The following NRXN1 variants were observed in gnomAD, a reference collection of about 807,000 sequenced individuals.
NRXN1 encodes the protein neurexin-1.
Under a neutral mutation model 150.9 loss-of-function variants are expected in NRXN1, and 39 were observed. The observed-to-expected ratio is 0.26, with a 90% CI of 0.20 to 0.34. The LOEUF (loss-of-function observed/expected upper bound fraction) is 0.34. Among genes scored for constraint, NRXN1 ranks in the 10% least tolerant of loss-of-function variants. The pLI is 1.00. For synonymous variants in NRXN1, 924 were observed against 757.0 expected, an observed-to-expected ratio of 1.22 and a Z score of -3.62; for missense variants, 1,815 against 1,949.9, an observed-to-expected ratio of 0.93 and a Z score of 1.30.
At chr2:50,206,400 T>C (rs2062581130) in intron 18 of NRXN1, among the ~76,000 whole-genome samples, 1 of 152,056 alleles carries the variant, frequency 6.6e-6, no homozygotes, top group Non-Finnish European at 1.5e-5. Flanking sequence ...CAAATGTATG[T>C]CAGAAGATAA....
intron 18 of NRXN1, among the ~76,000 whole-genome samples, chr2:50,095,765 T>G (rs1277068441): frequency 5.4e-4 from 1 of 1,850 alleles, no homozygotes; most frequent in Non-Finnish European, 1.0e-3. Flanking sequence ...AACATCCGAC[T>G]TTTTTTTTTT....
intron 17 of NRXN1, among the ~76,000 whole-genome samples, chr2:50,307,384 G>T (rs1312416362): frequency 2.0e-5 from 3 of 152,098 alleles, no homozygotes; most frequent in Non-Finnish European, 4.4e-5. Context: ...CTTTTTGTAG[G>T]GGGAGGCTCT....
intron 18 of NRXN1, among the ~76,000 whole-genome samples, chr2:50,190,851 G>A (rs1272070085): frequency 6.6e-6 from 1 of 151,970 alleles, no homozygotes; most frequent in East Asian, 1.9e-4. Context: ...GACTGCAGGT[G>A]ATCCACCTGC....
chr2:50,255,025 C>G (rs935918616), intron 17 of NRXN1, among the ~76,000 whole-genome samples: 14 of 152,040 alleles, frequency 9.2e-5, no homozygotes, highest in African/African-American at 3.1e-4. Flanking sequence ...CTAGGCTAGT[C>G]TTGAATTCCT....
intron 8 of NRXN1, among the ~76,000 whole-genome samples, chr2:50,578,732 T>A (rs1423831844): frequency 1.3e-5 from 2 of 151,994 alleles, no homozygotes; most frequent in Non-Finnish European, 2.9e-5. Flanking sequence ...ATGCTAAAGC[T>A]TTTTAATTTA....
chr2:50,864,321 C>T (rs1473618306), intron 5 of NRXN1, among the ~76,000 whole-genome samples: 1 of 151,976 alleles, frequency 6.6e-6, no homozygotes, highest in East Asian at 1.9e-4. Flanking sequence ...GTCAAACACA[C>T]ACATGAACTT....
chr2:50,819,118 G>T (rs1198891222), intron 5 of NRXN1, among the ~76,000 whole-genome samples: 3 of 152,098 alleles, frequency 2.0e-5, no homozygotes, highest in Non-Finnish European at 4.4e-5. Context: ...CAGTATGGAG[G>T]TTCCTCAAAC....
chr2:50,982,494 T>A (rs1212954202), intron 2 of NRXN1, among the ~76,000 whole-genome samples: 1 of 152,138 alleles, frequency 6.6e-6, no homozygotes. Flanking sequence ...GGCCTGTTCA[T>A]ATTACTAACA....
At chr2:50,093,010 A>G (rs1014733966) in intron 18 of NRXN1, among the ~76,000 whole-genome samples, 3 of 150,298 alleles carry the variant, frequency 2.0e-5, no homozygotes, top group African/African-American at 7.3e-5. Flanking sequence ...GTAGAGTTAT[A>G]TCACATGTGT....
chr2:50,608,030 T>C (rs1006930111), intron 8 of NRXN1, among the ~76,000 whole-genome samples: 1 of 151,330 alleles, frequency 6.6e-6, no homozygotes, highest in African/African-American at 2.4e-5. Flanking sequence ...GGCCTGGGGG[T>C]AAATGAGAAG....
At chr2:51,010,008 T>G (rs1172588362) in intron 2 of NRXN1, among the ~76,000 whole-genome samples, 1 of 152,004 alleles carries the variant, frequency 6.6e-6, no homozygotes, top group Non-Finnish European at 1.5e-5. Flanking sequence ...GAATATATTC[T>G]GCAAGGTTAC....
At chr2:50,140,012 G>A (rs1707037726) in intron 18 of NRXN1, among the ~76,000 whole-genome samples, 1 of 151,854 alleles carries the variant, frequency 6.6e-6, no homozygotes, top group South Asian at 2.1e-4. Context: ...CTCTCCTAAA[G>A]CAAATTAGTT....
intron 19 of NRXN1, among the ~76,000 whole-genome samples, chr2:50,071,696 T>C (rs1457756309): frequency 6.6e-6 from 1 of 152,242 alleles, no homozygotes; most frequent in African/African-American, 2.4e-5. Flanking sequence ...ATGGCAGTCC[T>C]AGCAAACTAA....
intron 5 of NRXN1, among the ~76,000 whole-genome samples, chr2:50,840,831 G>A (rs1672763205): frequency 6.6e-6 from 1 of 152,108 alleles, no homozygotes; most frequent in Non-Finnish European, 1.5e-5. Flanking sequence ...AGGACATTTT[G>A]AAACATCACG....
chr2:50,227,378 C>G (rs1574608348), intron 18 of NRXN1, among the ~76,000 whole-genome samples: 1 of 152,056 alleles, frequency 6.6e-6, no homozygotes, highest in East Asian at 1.9e-4. Flanking sequence ...GAACAGGGAG[C>G]CCATGCCCAT....
At chr2:50,778,917 T>A (rs3914727) in intron 5 of NRXN1, among the ~76,000 whole-genome samples, 1 of 152,000 alleles carries the variant, frequency 6.6e-6, no homozygotes, top group Non-Finnish European at 1.5e-5. Flanking sequence ...TAAAAATAAA[T>A]TAAAATATGC....
intron 17 of NRXN1, among the ~76,000 whole-genome samples, chr2:50,360,077 A>G (rs1002200987): frequency 1.3e-5 from 2 of 152,232 alleles, no homozygotes; most frequent in South Asian, 2.1e-4. Flanking sequence ...TGTCACCACC[A>G]GGCCTGCCTT....
At chr2:50,513,992 G>A (rs1436234009) in intron 12 of NRXN1, among the ~76,000 whole-genome samples, 2 of 152,096 alleles carry the variant, frequency 1.3e-5, no homozygotes, top group African/African-American at 2.4e-5. Flanking sequence ...GGTGTACCCT[G>A]CTTCTGGTAT....
intron 5 of NRXN1, among the ~76,000 whole-genome samples, chr2:50,890,986 C>T (rs577261837): frequency 6.6e-6 from 1 of 151,994 alleles, no homozygotes; most frequent in African/African-American, 2.4e-5. Context: ...ATTTTAATCC[C>T]TATTTAGTGA....
Sources: gnomAD v4.1 joint callset for allele counts (sites outside exome capture counted in the v4.1 genomes callset) on GRCh38, gnomAD v4.1.1 for gene constraint, MANE v1.5 for transcripts, NCBI Gene and HGNC (gene_info 2026-07-23, HGNC 2026-07-21) for gene names.